TRPM8: variants seen among roughly 807,000 people sequenced by gnomAD.
TRPM8 encodes TRPM8 cationic channel.
Under a neutral mutation model 133.7 loss-of-function variants are expected in TRPM8, and 110 were observed. The ratio of observed to expected loss-of-function variants is 0.82; its 90% CI spans 0.70 to 0.96. TRPM8 has a LOEUF of 0.96. Among genes scored for constraint, TRPM8 ranks in the 40% least tolerant of loss-of-function variants. The probability of loss-of-function intolerance (pLI) is 0.00; values close to 1 mark genes in which losing one functional copy is unlikely to be tolerated. For synonymous variants in TRPM8, 535 were observed against 532.3 expected (o/e 1.01, Z -0.07); for missense variants, 1,291 against 1,379.5 (o/e 0.94, Z 1.02).
At chr2:233,942,018 C>T (rs1426590408) in intron 5 of TRPM8, among the ~76,000 whole-genome samples, 2 of 151,202 alleles carry the variant, frequency 1.3e-5, no homozygotes, top group Admixed American at 6.6e-5. Context: ...CAGATTCCCT[C>T]GACCCACCTC....
intron 15 of TRPM8, 50 bp from the exon 16 acceptor site, chr2:233,969,645 A>G (rs376585942): frequency 8.9e-7 from 1 of 1,126,168 alleles, no homozygotes; most frequent in Non-Finnish European, 1.4e-6. Context: ...GGCATCCTGC[A>G]TACAATTGTG....
At chr2:233,947,523 C>T (rs1691073674) in intron 8 of TRPM8, 45 of 1,303,854 alleles carry the variant, frequency 3.5e-5, no homozygotes, top group Non-Finnish European at 4.5e-5. Flanking sequence ...CACAGATTGC[C>T]CCCAAACCAG....
intron 3 of TRPM8, among the ~76,000 whole-genome samples, chr2:233,935,826 T>A (rs975758190): frequency 2.6e-5 from 4 of 151,636 alleles, no homozygotes; most frequent in African/African-American, 9.7e-5. Context: ...CCTCACTGAG[T>A]GGGAGTTGTT....
intron 19 of TRPM8, among the ~76,000 whole-genome samples, chr2:233,982,191 A>T (rs1692026892): frequency 6.6e-6 from 1 of 152,176 alleles, no homozygotes; most frequent in African/African-American, 2.4e-5. Flanking sequence ...TTGAGTCTTG[A>T]CAGTTTGCTA....
intron 6 of TRPM8, 131 bp downstream of exon 6, chr2:233,942,879 G>A: frequency 9.5e-7 from 1 of 1,051,432 alleles, no homozygotes; most frequent in Non-Finnish European, 1.5e-6. Flanking sequence ...TTCAAGGAGT[G>A]CCTTTGGGAC....
rs1404712449 is a variant in TRPM8 at position 233,961,032 on chromosome 2, G to T, written c.1619G>T (p.Arg540Ile). ...CGAAGAGGCTTCCGGAAGGAAGACA[G>T]AAATGGCCGGGACGAGATGGACATA... is the stretch of plus-strand genomic sequence containing the variant. ...NFRRGFRKED[R>I]NGRDEMDIEL... Residue 540 changes from arginine to isoleucine, a missense_variant, in exon 12 of 26, where the codon AGA becomes ATA. Around this residue, in one of 2 missense-constraint regions of TRPM8, gnomAD observed 963 missense variants for 968.9 expected, o/e 0.99. Transcript: ENST00000324695. The T allele has an allele frequency of 1.2e-6, 2 of 1,614,178 alleles. No individual in the cohort carries two copies. The highest frequency in any genetic ancestry group is 1.3e-5 in the African/African-American group (1 of 75,056).
intron 11 of TRPM8, among the ~76,000 whole-genome samples, chr2:233,955,881 A>C (rs984074343): frequency 6.6e-6 from 1 of 152,204 alleles, no homozygotes; most frequent in Non-Finnish European, 1.5e-5. Context: ...CTCCGCCTTC[A>C]GTCCGATCAG....
chr2:233,987,909 C>G (rs183154378), intron 21 of TRPM8, among the ~76,000 whole-genome samples: 2 of 151,960 alleles, frequency 1.3e-5, no homozygotes, highest in African/African-American at 4.8e-5. Context: ...CTTGCTCCTC[C>G]TTGCCTTCCA....
chr2:233,987,660 C>T (rs1692177283), intron 21 of TRPM8, among the ~76,000 whole-genome samples: 1 of 152,190 alleles, frequency 6.6e-6, no homozygotes, highest in East Asian at 1.9e-4. Context: ...GTTTCTAAAA[C>T]ATCACCGATG....
chr2:233,972,214 C>G (rs189603640), intron 17 of TRPM8, among the ~76,000 whole-genome samples: 234 of 152,102 alleles, frequency 1.5e-3, no homozygotes, highest in African/African-American at 5.3e-3. Flanking sequence ...TTTTCCAAGG[C>G]CCCACCAGAG....
intron 17 of TRPM8, among the ~76,000 whole-genome samples, chr2:233,976,174 T>A (rs747541386): frequency 2.0e-5 from 3 of 152,214 alleles, no homozygotes; most frequent in Non-Finnish European, 4.4e-5. Flanking sequence ...CAGTTCCTGA[T>A]GATTTCCAGG....
chr2:234,005,269 T>C (rs1373154432), intron 22 of TRPM8, among the ~76,000 whole-genome samples: 2 of 152,152 alleles, frequency 1.3e-5, no homozygotes, highest in African/African-American at 4.8e-5. Context: ...CTTGCCAACA[T>C]GGGATATAGT....
chr2:233,996,255 T>C (rs1216454487), intron 21 of TRPM8, 71 bp from the exon 22 acceptor site: 26 of 1,403,868 alleles, frequency 1.9e-5, no homozygotes, highest in Non-Finnish European at 2.6e-5. Context: ...ATACCACTAT[T>C]ACCATACTAG....
rs201962335 is a variant in TRPM8, at chr2:233,950,085, G to A, written c.1079G>A (p.Arg360His). 5.2e-5 allele frequency: 84 copies of A among 1,613,780 alleles called. No individual in the cohort carries two copies. The highest frequency in any genetic ancestry group is 6.8e-5 in the Non-Finnish European group (80 of 1,180,046). The part of the protein sequence containing the change: ...TSSAVKEKLV[R>H]FLPRTVSRLP... ...TCTGCCGTCAAGGAGAAGCTGGTGC[G>A]CTTTTTACCCCGCACGGTGTCCCGG... is the stretch of plus-strand genomic sequence containing the variant. Residue 360 changes from arginine (R) to histidine (H), a missense_variant, in exon 9 of 26, where the codon CGC (arginine) becomes CAC (histidine). Arg to His is a conservative substitution (Grantham distance 29). Around this residue, in one of 2 missense-constraint regions of TRPM8, gnomAD observed 963 missense variants for 968.9 expected, o/e 0.99. Coordinates refer to ENST00000324695, the MANE Select transcript of TRPM8 (RefSeq NM_024080.5).
intron 22 of TRPM8, among the ~76,000 whole-genome samples, chr2:234,000,987 C>T (rs1035782437): frequency 2.6e-5 from 4 of 152,212 alleles, no homozygotes; most frequent in East Asian, 1.9e-4. Flanking sequence ...CAAACTTGAA[C>T]ATTTTTAATA....
chr2:234,000,045 G>C (rs1692511696), intron 22 of TRPM8, among the ~76,000 whole-genome samples: 1 of 151,048 alleles, frequency 6.6e-6, no homozygotes, highest in Non-Finnish European at 1.5e-5. Flanking sequence ...AACCTTTCCT[G>C]AGCACATTCT....
chr2:233,964,092 G>C (rs1196999311), intron 13 of TRPM8, among the ~76,000 whole-genome samples: 1 of 152,158 alleles, frequency 6.6e-6, no homozygotes, highest in Non-Finnish European at 1.5e-5. Context: ...ATTATGAATA[G>C]TTCCTAGGTT....
rs1265947721 is a variant in TRPM8, at chr2:233,966,753, C to T, written c.2023C>T (p.Gln675Ter). The T allele has an allele frequency of 5.8e-6, 9 of 1,564,140 alleles. No homozygotes were observed. The highest frequency in any genetic ancestry group is 1.8e-5 in the Admixed American group (1 of 55,042). Residue 675 changes from glutamine to a stop codon, truncating the protein, a stop_gained and splice_region_variant, in exon 15 of 26, where the codon CAG (glutamine) becomes TAG (stop). Coordinates refer to ENST00000324695, the MANE Select transcript of TRPM8 (RefSeq NM_024080.5). LOFTEE classifies it high-confidence loss of function. ...GCATTTCATCGCCCAGCCTGGGGTC[C>T]AGGTAAACCATACTCAGCCACCAGA... ...DQHFIAQPGVQNFLSKQWYGE... is the reference protein window; with the variant it reads ...DQHFIAQPGV
rs201101719 is a variant in TRPM8 at position 233,945,847 on chromosome 2, A to G, written c.700-9A>G. 7.5e-6 allele frequency: 12 copies of G among 1,606,014 alleles called. No homozygotes were observed. The highest frequency in any genetic ancestry group is 9.4e-6 in the Non-Finnish European group (11 of 1,173,700). On this transcript the variant is annotated splice_polypyrimidine_tract_variant and intron_variant, in intron 6 of 25. Transcript: ENST00000324695. ...CAATCTCAAAGACAAGTTTCCCTGTACTTTTCAGGGCTATTTTTTAGCCCA... is the reference window on the plus strand; with the variant it reads ...CAATCTCAAAGACAAGTTTCCCTGTGCTTTTCAGGGCTATTTTTTAGCCCA...
Sources: allele counts gnomAD v4.1 joint callset (sites outside exome capture counted in the v4.1 genomes callset), GRCh38; gene constraint gnomAD v4.1.1; regional missense constraint gnomAD v4.1.1; transcripts MANE v1.5; gene names NCBI Gene and HGNC (gene_info 2026-07-23, HGNC 2026-07-21).